Variants in SORBS2 observed in about 807,000 individuals in gnomAD.
SORBS2 encodes the protein sorbin and SH3 domain containing 2.
Under a neutral mutation model 97.7 loss-of-function variants are expected in SORBS2, and 46 were observed. The ratio of observed to expected loss-of-function variants is 0.47; its 90% CI spans 0.37 to 0.60. The LOEUF (loss-of-function observed/expected upper bound fraction) is 0.60. Among genes scored for constraint, SORBS2 ranks in the 20% least tolerant of loss-of-function variants. SORBS2 has a pLI of 0.00. For missense variants in SORBS2, 1,316 were observed against 1,282.3 expected (o/e 1.03, Z -0.40); for synonymous variants, 476 against 473.4 (o/e 1.01, Z -0.07).
chr4:185,871,263 A>G (rs779518307), intron 1 of SORBS2, among the ~76,000 whole-genome samples: 27 of 152,296 alleles, frequency 1.8e-4, no homozygotes, highest in Non-Finnish European at 3.5e-4. Flanking sequence ...CAAAATATTC[A>G]CGTTTCCGAG....
intron 1 of SORBS2, among the ~76,000 whole-genome samples, chr4:185,858,089 A>T (rs149839321): frequency 6.6e-6 from 1 of 152,204 alleles, no homozygotes; most frequent in African/African-American, 2.4e-5. Flanking sequence ...CGAGGTCTCC[A>T]TCACGGTCCT....
chr4:185,790,635 G>A (rs1013362896), intron 1 of SORBS2, among the ~76,000 whole-genome samples: 9 of 152,186 alleles, frequency 5.9e-5, no homozygotes, highest in Admixed American at 2.0e-4. Flanking sequence ...TATATAAATA[G>A]ATGGTCTATT....
At chr4:185,817,373 C>G (rs370466722) in intron 1 of SORBS2, among the ~76,000 whole-genome samples, 1 of 152,210 alleles carries the variant, frequency 6.6e-6, no homozygotes, top group African/African-American at 2.4e-5. Flanking sequence ...GAAAAGGCTG[C>G]ACTTGCTCCC....
chr4:185,758,320 T>C (rs1420601229), intron 2 of SORBS2, among the ~76,000 whole-genome samples: 1 of 152,186 alleles, frequency 6.6e-6, no homozygotes, highest in Non-Finnish European at 1.5e-5. Flanking sequence ...GCCATCATCT[T>C]TCTTGATTGC....
In SORBS2 at chr4:185,847,150, T is replaced by C. The variant is rs2099215011; in HGVS notation, c.-337-71784A>G. ...TGTTTAATAACAGATTCAGTGTTGATAGAGTCTGAGAGTATTCCCATCATA... is the reference window on the plus strand; with the variant it reads ...TGTTTAATAACAGATTCAGTGTTGACAGAGTCTGAGAGTATTCCCATCATA... On this transcript the variant is annotated intron_variant, in intron 1 of 20. Coordinates refer to the SORBS2 transcript ENST00000284776. Among the ~76,000 whole-genome samples, 4 of 152,354 alleles carry C rather than the reference T, an allele frequency of 2.6e-5. No homozygotes were observed. The South Asian group carries it at 8.3e-4, about 32-fold the overall frequency.
chr4:185,699,959 T>G (rs942070993), intron 2 of SORBS2, among the ~76,000 whole-genome samples: 66 of 152,284 alleles, frequency 4.3e-4, no homozygotes, highest in African/African-American at 1.6e-3. Flanking sequence ...GGTACTCAAT[T>G]TGAGGAGTAC....
chr4:185,681,735 T>C (rs2097871278), intron 2 of SORBS2, among the ~76,000 whole-genome samples: 1 of 152,196 alleles, frequency 6.6e-6, no homozygotes, highest in Non-Finnish European at 1.5e-5. Context: ...AGTCTCTGTC[T>C]GAGATTTTGT....
At chr4:185,810,713 G>T (rs1052429795) in intron 1 of SORBS2, 1 of 152,158 alleles carries the variant, frequency 6.6e-6, no homozygotes, top group Non-Finnish European at 1.5e-5. Flanking sequence ...TAACAGCTTT[G>T]TTCCTAAGAG....
chr4:185,638,119 G>A, intron 4 of SORBS2: 1 of 1,611,862 alleles, frequency 6.2e-7, no homozygotes, highest in South Asian at 1.1e-5. Flanking sequence ...TTTATACCAG[G>A]GCTCATTTTC....
chr4:185,684,028 C>CCAACCAACCA lies in SORBS2; in HGVS notation c.-197-5207_-197-5206insTGGTTGGTTG, dbSNP rs1183269186. On this transcript the variant is annotated intron_variant, in intron 2 of 20. Transcript: ENST00000284776. The surrounding 1 kb of genome is among the most constrained non-coding windows in gnomAD (Gnocchi z 4.2). ...CAACCAGCCAACCAACCAACCAACC[C>CCAACCAACCA]ACCAACCAACCCATCACCAACAGGT... Among the ~76,000 whole-genome samples, 37 of 151,932 alleles carry CCAACCAACCA rather than the reference C, an allele frequency of 2.4e-4. No individual in the cohort carries two copies. The highest frequency in any genetic ancestry group is 3.4e-3 in the Middle Eastern group (1 of 294).
At chr4:185,748,559 C>A (rs1026608158) in intron 2 of SORBS2, among the ~76,000 whole-genome samples, 1 of 152,118 alleles carries the variant, frequency 6.6e-6, no homozygotes, top group African/African-American at 2.4e-5. Context: ...GCAAGGGAGG[C>A]CTCACGAGCA....
chr4:185,660,076 G>T (rs1233939160), upstream of SORBS2, among the ~76,000 whole-genome samples: 1 of 152,162 alleles, frequency 6.6e-6, no homozygotes, highest in Non-Finnish European at 1.5e-5. Flanking sequence ...CCTTATCACA[G>T]CACTGGCCAG....
intron 2 of SORBS2, among the ~76,000 whole-genome samples, chr4:185,725,726 A>G (rs1363950175): frequency 6.6e-6 from 1 of 152,186 alleles, no homozygotes; most frequent in Non-Finnish European, 1.5e-5. Flanking sequence ...CAAATAAATT[A>G]TCATAATAAT....
At chr4:185,656,618 C>A (rs2097408769) in exon 1 of SORBS2, 3 of 1,549,198 alleles carry the variant, frequency 1.9e-6, no homozygotes, top group Non-Finnish European at 2.6e-6. Flanking sequence ...ACTTCACCTG[C>A]AAAGGTGTTG....
chr4:185,929,276 G>A (rs1254745009), intron 1 of SORBS2, among the ~76,000 whole-genome samples: 1 of 152,262 alleles, frequency 6.6e-6, no homozygotes, highest in African/African-American at 2.4e-5. Flanking sequence ...TTCCACAAGC[G>A]CTGAAGGAAT....
intron 2 of SORBS2, among the ~76,000 whole-genome samples, chr4:185,719,810 G>T (rs556995696): frequency 1.3e-5 from 2 of 152,338 alleles, no homozygotes; most frequent in South Asian, 2.1e-4. Flanking sequence ...TTGTGGGATG[G>T]TTATTACACA....
chr4:185,634,414 CA>C (rs897997721), intron 4 of SORBS2, among the ~76,000 whole-genome samples: 5 of 151,928 alleles, frequency 3.3e-5, no homozygotes, highest in Non-Finnish European at 7.4e-5. Context: ...AACTAATGTG[CA>C]AAAAACAGTT....
intron 1 of SORBS2, among the ~76,000 whole-genome samples, chr4:185,806,368 T>C (rs1169133173): frequency 6.6e-6 from 1 of 151,790 alleles, no homozygotes; most frequent in Non-Finnish European, 1.5e-5. Flanking sequence ...CTTGCCATTC[T>C]TCATGGCATC....
In SORBS2 at chr4:185,897,889, T is replaced by C. The variant is rs893263837; in HGVS notation, c.-338+58307A>G. Among the ~76,000 whole-genome samples, 18 of 152,122 alleles carry C rather than the reference T, an allele frequency of 1.2e-4. No individual in the cohort carries two copies. In the East Asian group the frequency reaches 2.7e-3, roughly 23 times the overall value. ...CTGTCTCCACTCAAAAAAAAAAATT[T>C]AGCAGGATGTGGTGGCAGGTGCCTG... is the stretch of plus-strand genomic sequence containing the variant. On this transcript the variant is annotated intron_variant, in intron 1 of 20. Transcript: ENST00000284776.
Sources: allele counts gnomAD v4.1 joint callset (sites outside exome capture counted in the v4.1 genomes callset), GRCh38; gene constraint gnomAD v4.1.1; non-coding constraint Gnocchi (gnomAD v3.1); transcripts MANE v1.5; gene names NCBI Gene and HGNC (gene_info 2026-07-23, HGNC 2026-07-21).